ARMC3: variants seen among roughly 807,000 people sequenced by gnomAD.
ARMC3 encodes armadillo repeat containing 3.
A neutral mutation model predicts 90.3 loss-of-function variants in ARMC3; 74 were observed. The ratio of observed to expected loss-of-function variants is 0.82; its 90% confidence interval spans 0.68 to 0.99. The LOEUF is 0.99. Among genes scored for constraint, ARMC3 ranks in the 50% least tolerant of loss-of-function variants. The pLI is 0.00. For synonymous variants in ARMC3, 334 were observed against 361.8 expected, an observed-to-expected ratio of 0.92 and a Z score of 0.87; for missense variants, 958 against 1,042.8, an observed-to-expected ratio of 0.92 and a Z score of 1.12.
chr10:22,962,137 A>G, intron 7 of ARMC3, 59 bp downstream of exon 7: 1 of 1,275,040 alleles, frequency 7.8e-7, no homozygotes, highest in Non-Finnish European at 1.0e-6. Context: ...CAAATGTTTA[A>G]AAATGAAATT....
At chr10:22,987,370 T>A (rs1350846017) in intron 10 of ARMC3, among the ~76,000 whole-genome samples, 2 of 152,208 alleles carry the variant, frequency 1.3e-5, no homozygotes, top group Non-Finnish European at 2.9e-5. Context: ...TGATCAGAAT[T>A]AGAGTTTAAG....
At chr10:22,995,890 C>T (rs1364522785) in intron 10 of ARMC3, among the ~76,000 whole-genome samples, 2 of 152,132 alleles carry the variant, frequency 1.3e-5, no homozygotes, top group African/African-American at 4.8e-5. Flanking sequence ...CTGTTTCTAT[C>T]CTGGATGCCA....
At chr10:22,965,584 T>C (rs954216431) in intron 7 of ARMC3, among the ~76,000 whole-genome samples, 7 of 152,182 alleles carry the variant, frequency 4.6e-5, no homozygotes, top group Non-Finnish European at 8.8e-5. Context: ...TTTCTGCCAA[T>C]CATGGAATTT....
intron 3 of ARMC3, among the ~76,000 whole-genome samples, chr10:22,953,526 T>A (rs1434963446): frequency 6.6e-6 from 1 of 152,104 alleles, no homozygotes; most frequent in Admixed American, 6.5e-5. Flanking sequence ...ATATAAACTT[T>A]CTCTCCCTAA....
chr10:23,019,327 G>A (rs11013251), intron 16 of ARMC3, among the ~76,000 whole-genome samples: 17,817 of 152,124 alleles, frequency 0.12, 1,470 homozygotes, highest in African/African-American at 0.24. Flanking sequence ...AATTTGTGTA[G>A]AAGTAAAATC....
At chr10:22,940,925 A>G (rs1834302216) in intron 2 of ARMC3, among the ~76,000 whole-genome samples, 1 of 152,228 alleles carries the variant, frequency 6.6e-6, no homozygotes, top group African/African-American at 2.4e-5. Flanking sequence ...TTCATACATA[A>G]TGGTTCCAAC....
chr10:22,965,351 T>C (rs1262129523), intron 7 of ARMC3, among the ~76,000 whole-genome samples: 1 of 152,244 alleles, frequency 6.6e-6, no homozygotes, highest in African/African-American at 2.4e-5. Context: ...CTGCTAGTTT[T>C]GTTTTCAGCA....
At chr10:23,028,764 T>G (rs1451140195) in intron 16 of ARMC3, among the ~76,000 whole-genome samples, 1 of 152,182 alleles carries the variant, frequency 6.6e-6, no homozygotes, top group East Asian at 1.9e-4. Flanking sequence ...TAGCAGTCTA[T>G]CCAGTAGTTC....
At chr10:22,952,012 C>G (rs1834756714) in intron 3 of ARMC3, among the ~76,000 whole-genome samples, 1 of 152,098 alleles carries the variant, frequency 6.6e-6, no homozygotes, top group Non-Finnish European at 1.5e-5. Context: ...GTAGTCCCAG[C>G]TGCTTGGGAA....
intron 10 of ARMC3, among the ~76,000 whole-genome samples, chr10:22,991,430 A>T (rs1196964107): frequency 6.6e-6 from 1 of 151,658 alleles, no homozygotes; most frequent in African/African-American, 2.4e-5. Flanking sequence ...CCTTGACTGT[A>T]GGTTTTTTTT....
At chr10:22,999,359 G>A (rs962520460) in intron 11 of ARMC3, among the ~76,000 whole-genome samples, 3 of 152,122 alleles carry the variant, frequency 2.0e-5, no homozygotes, top group African/African-American at 7.2e-5. Flanking sequence ...GCCAGCCTGG[G>A]CAACATAGGG....
chr10:22,996,284 C>T (rs952906511), intron 10 of ARMC3, among the ~76,000 whole-genome samples: 5 of 151,944 alleles, frequency 3.3e-5, no homozygotes, highest in Non-Finnish European at 2.9e-5. Flanking sequence ...AACGCCATGC[C>T]AATTAATAAT....
At chr10:22,971,864 T>G (rs981023518) in intron 8 of ARMC3, among the ~76,000 whole-genome samples, 3 of 152,222 alleles carry the variant, frequency 2.0e-5, no homozygotes, top group African/African-American at 7.2e-5. Flanking sequence ...ACTTGCTATT[T>G]TCTGTTTGTT....
intron 1 of ARMC3, among the ~76,000 whole-genome samples, chr10:22,929,274 G>GA (rs1161821096): frequency 6.7e-6 from 1 of 149,298 alleles, no homozygotes; most frequent in Non-Finnish European, 1.5e-5. Flanking sequence ...GAGGGAGAGA[G>GA]AGAGAGAGAA....
At chr10:22,994,308 C>T (rs1267205845) in intron 10 of ARMC3, among the ~76,000 whole-genome samples, 2 of 151,968 alleles carry the variant, frequency 1.3e-5, no homozygotes, top group South Asian at 2.1e-4. Context: ...GCTTAGAGCA[C>T]GGAGCAACAG....
chr10:22,940,797 T>A (rs747346101), intron 2 of ARMC3, among the ~76,000 whole-genome samples: 5 of 152,224 alleles, frequency 3.3e-5, no homozygotes, highest in Non-Finnish European at 5.9e-5. Context: ...TTATATTTTC[T>A]TATAAAGTTA....
chr10:23,030,576 G>A lies in ARMC3; in HGVS notation c.2046-20G>A, dbSNP rs190239348. The A allele has an allele frequency of 2.5e-6, 4 of 1,598,758 alleles. No homozygotes were observed. The highest frequency in any genetic ancestry group is 1.7e-4 in the Middle Eastern group (1 of 6,028). ...TTTAGCAGAAGATGTGATTTTGATT[G>A]CCCTTGTTTACTTTCAAAGGAAAAG... On this transcript the variant is annotated intron_variant, in intron 16 of 18. Transcript: ENST00000298032.
At chr10:23,026,975 A>G (rs965864831) in intron 16 of ARMC3, among the ~76,000 whole-genome samples, 2 of 152,104 alleles carry the variant, frequency 1.3e-5, no homozygotes, top group African/African-American at 4.8e-5. Context: ...ACATCCATCC[A>G]TATGTCTATC....
Position 22,974,636 on chromosome 10 carries a change from T to TG in ARMC3, c.916+6147_916+6148insG, listed in dbSNP as rs1554778077. ...ATTCCCCTCTCTAAAATCTGTTTTT[T>TG]TTTGTTTGTTTGTTTGTTTGTTTTG... On this transcript the variant is annotated intron_variant, in intron 8 of 18. Coordinates refer to ENST00000298032, the MANE Select transcript of ARMC3 (RefSeq NM_173081.5). Among the ~76,000 whole-genome samples, 1,126 of 151,978 alleles carry TG rather than the reference T, an allele frequency of 7.4e-3. 5 individuals carry two copies. Among genetic ancestry groups the TG allele is most frequent in the South Asian group, 0.014 (69 of 4,806 alleles).
Sources: gnomAD v4.1 joint callset for allele counts (sites outside exome capture counted in the v4.1 genomes callset) on GRCh38, gnomAD v4.1.1 for gene constraint, MANE v1.5 for transcripts, NCBI Gene and HGNC (gene_info 2026-07-23, HGNC 2026-07-21) for gene names.